The following RPS6KA2 variants were observed in gnomAD, a reference collection of about 807,000 sequenced individuals.
The protein encoded by RPS6KA2 is ribosomal protein S6 kinase alpha-2.
RPS6KA2 carries 42 observed loss-of-function variants against 91.8 expected under a neutral mutation model. That is an observed-to-expected ratio of 0.46 (90% CI 0.36 to 0.59). The LOEUF (loss-of-function observed/expected upper bound fraction) is 0.59, where lower values mean the gene tolerates loss of function less well. Among genes scored for constraint, RPS6KA2 ranks in the 20% least tolerant of loss-of-function variants. The pLI, the probability that RPS6KA2 is intolerant of heterozygous loss-of-function variation, is 0.00. For missense variants in RPS6KA2, 798 were observed against 978.5 expected (o/e 0.82, Z 2.46); for synonymous variants, 414 against 393.6 (o/e 1.05, Z -0.61).
intron 2 of RPS6KA2, among the ~76,000 whole-genome samples, chr6:166,710,562 G>T (rs1378373161): frequency 6.6e-6 from 1 of 151,978 alleles, no homozygotes; most frequent in South Asian, 2.1e-4. Context: ...GTGTGTCTGT[G>T]TGTGTGTCTA....
At chr6:166,788,568 CAACA>C (rs1778991160) in intron 2 of RPS6KA2, among the ~76,000 whole-genome samples, 1 of 152,168 alleles carries the variant, frequency 6.6e-6, no homozygotes, top group African/African-American at 2.4e-5. Context: ...CCATCATCCT[CAACA>C]AACTAACACA....
exon 1 of RPS6KA2, chr6:166,862,239 G>A (rs1051827474): frequency 1.2e-6 from 2 of 1,609,092 alleles, no homozygotes; most frequent in South Asian, 1.1e-5. Context: ...GGCTCGGACC[G>A]GCACAGGGGG....
chr6:166,743,000 G>C (rs1354613251), intron 2 of RPS6KA2, among the ~76,000 whole-genome samples: 1 of 152,174 alleles, frequency 6.6e-6, no homozygotes, highest in African/African-American at 2.4e-5. Context: ...CTAGAATACT[G>C]GTATGAAAGC....
chr6:166,756,805 C>T (rs941959518), intron 2 of RPS6KA2, among the ~76,000 whole-genome samples: 1 of 152,092 alleles, frequency 6.6e-6, no homozygotes, highest in Non-Finnish European at 1.5e-5. Flanking sequence ...GAGATGGCGC[C>T]ATTGCACTCC....
chr6:166,743,998 T>C (rs1382893528), intron 2 of RPS6KA2, among the ~76,000 whole-genome samples: 1 of 152,214 alleles, frequency 6.6e-6, no homozygotes, highest in Non-Finnish European at 1.5e-5. Flanking sequence ...AAGATCTGTC[T>C]TTCCTGTCAA....
At chr6:166,525,878 G>A (rs1290384467) in intron 3 of RPS6KA2, among the ~76,000 whole-genome samples, 1 of 152,140 alleles carries the variant, frequency 6.6e-6, no homozygotes, top group Non-Finnish European at 1.5e-5. Context: ...AACGGGTTAG[G>A]AGATACTTGA....
intron 1 of RPS6KA2, chr6:166,586,290 T>G: frequency 3.1e-6 from 5 of 1,598,490 alleles, no homozygotes; most frequent in Non-Finnish European, 4.2e-6. Flanking sequence ...GCCTCTGAAC[T>G]GTCTGTTGTC....
At position 166,490,712 on chromosome 6, in the gene RPS6KA2, G is replaced by A. The variant is rs1196931721; in HGVS notation, c.777C>T (p.Phe259=). The A allele has an allele frequency of 1.2e-5, 19 of 1,612,804 alleles. No individual in the cohort carries two copies. The highest frequency in any genetic ancestry group is 1.6e-5 in the Non-Finnish European group (19 of 1,179,444). Reference sequence around the variant, plus strand: ...TGGTCTCCTTCCTGTCCTTCCCCTGGAACGGCAGGGACCCCGTGAGCATCT... The same window carrying A: ...TGGTCTCCTTCCTGTCCTTCCCCTGAAACGGCAGGGACCCCGTGAGCATCT... ...MFEMLTGSLP[F]QGKDRKETMA... The change falls in exon 9 of 21, where the codon TTC becomes TTT. Residue 259 remains phenylalanine (F), a synonymous_variant. Coordinates refer to ENST00000265678, the MANE Select transcript of RPS6KA2 (RefSeq NM_021135.6). This position sits in a 1 kb window ranked among gnomAD's most constrained non-coding sequence, Gnocchi z 4.2.
intron 2 of RPS6KA2, among the ~76,000 whole-genome samples, chr6:166,672,979 T>A (rs1488664393): frequency 1.3e-5 from 2 of 152,164 alleles, no homozygotes; most frequent in African/African-American, 4.8e-5. Flanking sequence ...AGCCAGCTGA[T>A]GTGCAGCAGC....
intron 1 of RPS6KA2, among the ~76,000 whole-genome samples, chr6:166,577,543 G>C (rs1477455655): frequency 6.6e-6 from 1 of 152,186 alleles, no homozygotes; most frequent in African/African-American, 2.4e-5. Flanking sequence ...CTGCCCCACT[G>C]GATTTTGGAC....
In RPS6KA2 at chr6:166,534,514, A is replaced by G. The variant is rs78936439; in HGVS notation, c.217-3201T>C. Among the ~76,000 whole-genome samples, 1,522 of 152,276 alleles carry G rather than the reference A, an allele frequency of 1.0e-2. 18 individuals carry two copies. The highest frequency in any genetic ancestry group is 0.035 in the African/African-American group (1,454 of 41,550). ...CAACCCCTAACCCATAAGAAGTACGACCGTATAAACTCAAAGAGCAGAGGA... is the reference window on the plus strand; with the variant it reads ...CAACCCCTAACCCATAAGAAGTACGGCCGTATAAACTCAAAGAGCAGAGGA... On this transcript the variant is annotated intron_variant, in intron 2 of 20. Transcript: ENST00000265678.
At chr6:166,653,760 G>A (rs1348578904) in intron 2 of RPS6KA2, among the ~76,000 whole-genome samples, 1 of 152,164 alleles carries the variant, frequency 6.6e-6, no homozygotes, top group Non-Finnish European at 1.5e-5. Context: ...CCTGGTTACA[G>A]GACAGAAGTA....
chr6:166,829,042 T>G (rs1468962678), intron 2 of RPS6KA2, among the ~76,000 whole-genome samples: 3 of 152,174 alleles, frequency 2.0e-5, no homozygotes, highest in Non-Finnish European at 2.9e-5. Flanking sequence ...TGAACAAACA[T>G]TTCTCCACAG....
intron 2 of RPS6KA2, among the ~76,000 whole-genome samples, chr6:166,765,003 G>A (rs1383192914): frequency 2.6e-5 from 4 of 152,162 alleles, no homozygotes; most frequent in African/African-American, 7.2e-5. Context: ...AACACCAAAC[G>A]GCCAATGGGG....
At chr6:166,720,988 T>C (rs1790154858) in intron 2 of RPS6KA2, among the ~76,000 whole-genome samples, 1 of 152,196 alleles carries the variant, frequency 6.6e-6, no homozygotes, top group South Asian at 2.1e-4. Context: ...CAGTTAAAAG[T>C]CATCTTACAT....
rs924760662 is a variant in RPS6KA2 at position 166,571,151 on chromosome 6, G to A, written c.100-32367C>T. The stretch of plus-strand genomic sequence containing the variant: ...GCATGCCCAGCAGGCCTGGGAGACC[G>A]AAGCACTCCACACAGGAAACAGTAA... On this transcript the variant is annotated intron_variant, in intron 1 of 20. Transcript: ENST00000265678. Among the ~76,000 whole-genome samples, 15 of 152,196 alleles carry A rather than the reference G, an allele frequency of 9.9e-5. 1 individual carries two copies. Among genetic ancestry groups the A allele is most frequent in the African/African-American group, 1.4e-4 (6 of 41,454 alleles).
intron 2 of RPS6KA2, among the ~76,000 whole-genome samples, chr6:166,669,560 G>A (rs537778149): frequency 1.3e-5 from 2 of 152,218 alleles, no homozygotes; most frequent in South Asian, 2.1e-4. Flanking sequence ...GGAATTGCAC[G>A]GGGCCCAGCA....
chr6:166,456,992 T>C (rs1284210758), intron 12 of RPS6KA2, among the ~76,000 whole-genome samples: 1 of 152,210 alleles, frequency 6.6e-6, no homozygotes, highest in East Asian at 1.9e-4. Flanking sequence ...CCAACTAGGT[T>C]GGGGTTTAAA....
chr6:166,460,769 G>C (rs10946167), intron 11 of RPS6KA2: 33,554 of 152,202 alleles, frequency 0.22, 4,957 homozygotes, highest in African/African-American at 0.42. Flanking sequence ...CTGGAGTCCT[G>C]TCCTGGGCAC....
Sources: allele counts gnomAD v4.1 joint callset (sites outside exome capture counted in the v4.1 genomes callset), GRCh38; gene constraint gnomAD v4.1.1; non-coding constraint Gnocchi (gnomAD v3.1); transcripts MANE v1.5; gene names NCBI Gene and HGNC (gene_info 2026-07-23, HGNC 2026-07-21).